The following DPP10 variants were observed in gnomAD, a reference collection of about 807,000 sequenced individuals.
DPP10 encodes the protein dipeptidyl peptidase like 10, also known as inactive dipeptidyl peptidase 10.
Under a neutral mutation model 120.9 loss-of-function variants are expected in DPP10, and 33 were observed. The observed-to-expected ratio is 0.27, with a 90% CI of 0.21 to 0.37. DPP10 has a LOEUF of 0.37. DPP10 is among the 10% of genes least tolerant of loss of function. The probability of loss-of-function intolerance (pLI) is 1.00; values close to 1 mark genes in which losing one functional copy is unlikely to be tolerated. For missense variants in DPP10, 816 were observed against 942.8 expected (o/e 0.87, Z 1.76); for synonymous variants, 337 against 326.1 (o/e 1.03, Z -0.36).
chr2:115,614,578 A>G (rs1304550912), intron 5 of DPP10, among the ~76,000 whole-genome samples: 1 of 152,104 alleles, frequency 6.6e-6, no homozygotes, highest in African/African-American at 2.4e-5. Context: ...GGCATACGCC[A>G]CCACACCAGC....
chr2:115,283,099 G>T (rs1241441470), intron 1 of DPP10, among the ~76,000 whole-genome samples: 1 of 151,670 alleles, frequency 6.6e-6, no homozygotes, highest in African/African-American at 2.4e-5. Flanking sequence ...CCTGTTACTA[G>T]CTCACTCTTT....
chr2:115,087,043 G>A (rs1183527191), intron 1 of DPP10, among the ~76,000 whole-genome samples: 1 of 152,160 alleles, frequency 6.6e-6, no homozygotes, highest in African/African-American at 2.4e-5. Context: ...GTATTAGCTG[G>A]TTGCAAAACA....
chr2:114,740,796 C>G (rs1166896121), intron 1 of DPP10, among the ~76,000 whole-genome samples: 1 of 152,168 alleles, frequency 6.6e-6, no homozygotes, highest in African/African-American at 2.4e-5. Context: ...AGGTTGCTTT[C>G]CAAAAGTTTG....
chr2:114,578,057 G>A (rs926246314), intron 1 of DPP10, among the ~76,000 whole-genome samples: 6 of 152,066 alleles, frequency 3.9e-5, no homozygotes, highest in East Asian at 1.9e-4. Context: ...ACCTATAATC[G>A]CAACCTATAA....
intron 1 of DPP10, among the ~76,000 whole-genome samples, chr2:115,128,931 G>A (rs1041499180): frequency 1.3e-5 from 2 of 152,138 alleles, no homozygotes; most frequent in African/African-American, 4.8e-5. Context: ...AGATAAGGAG[G>A]GGAGTAACAA....
At chr2:115,670,697 A>C (rs2149439928) in intron 5 of DPP10, among the ~76,000 whole-genome samples, 1 of 152,282 alleles carries the variant, frequency 6.6e-6, no homozygotes, top group Admixed American at 6.5e-5. Flanking sequence ...TTCTCAAATA[A>C]GGACTATGTA....
intron 1 of DPP10, among the ~76,000 whole-genome samples, chr2:114,826,120 A>G (rs929122137): frequency 2.0e-5 from 3 of 152,208 alleles, no homozygotes; most frequent in African/African-American, 7.2e-5. Context: ...ATGGAAAAAT[A>G]CCTGGTTTGT....
Position 115,384,318 on chromosome 2 carries a change from G to A in DPP10, c.271+40406G>A, listed in dbSNP as rs2066683675. ...GAGACTAGGAGTTCAAGGCTGCAGT[G>A]AGCTATGATCACATGACTGCACTCC... On this transcript the variant is annotated intron_variant, in intron 3 of 25. Coordinates refer to ENST00000410059, the MANE Select transcript of DPP10 (RefSeq NM_020868.6). Among the ~76,000 whole-genome samples the A allele has an allele frequency of 7.2e-5, 11 of 152,094 alleles. 1 individual carries two copies. The South Asian group carries it at 2.3e-3, about 32-fold the overall frequency.
intron 1 of DPP10, among the ~76,000 whole-genome samples, chr2:115,243,218 A>G (rs538094776): frequency 6.6e-6 from 1 of 152,116 alleles, no homozygotes; most frequent in Non-Finnish European, 1.5e-5. Context: ...GGCGTTGACA[A>G]CTATTTTTGT....
intron 1 of DPP10, among the ~76,000 whole-genome samples, chr2:114,498,244 A>G (rs1310638212): frequency 6.6e-6 from 1 of 152,102 alleles, no homozygotes; most frequent in Non-Finnish European, 1.5e-5. Flanking sequence ...CTAATGGGCA[A>G]TAGATCTCAA....
At chr2:114,787,994 GA>G (rs1682903797) in intron 1 of DPP10, among the ~76,000 whole-genome samples, 1 of 152,014 alleles carries the variant, frequency 6.6e-6, no homozygotes, top group East Asian at 1.9e-4. Flanking sequence ...ACAATAACTG[GA>G]AATGACTTTT....
chr2:115,079,846 T>C (rs1708120816), intron 1 of DPP10, among the ~76,000 whole-genome samples: 1 of 152,184 alleles, frequency 6.6e-6, no homozygotes, highest in African/African-American at 2.4e-5. Flanking sequence ...CGTTATCAGA[T>C]TGATTTTCCA....
intron 1 of DPP10, among the ~76,000 whole-genome samples, chr2:114,667,999 A>G (rs1486977083): frequency 6.6e-6 from 1 of 152,178 alleles, no homozygotes; most frequent in East Asian, 1.9e-4. Flanking sequence ...GGCTTAAGAG[A>G]AAGAAAACAT....
intron 1 of DPP10, among the ~76,000 whole-genome samples, chr2:115,213,028 G>A (rs1479145022): frequency 6.6e-6 from 1 of 152,006 alleles, no homozygotes; most frequent in East Asian, 1.9e-4. Context: ...TTTTCATCAC[G>A]CTGTTATTCT....
At chr2:115,320,350 C>G (rs1420037131) in intron 2 of DPP10, among the ~76,000 whole-genome samples, 1 of 152,054 alleles carries the variant, frequency 6.6e-6, no homozygotes, top group Non-Finnish European at 1.5e-5. Flanking sequence ...CATTTAATTT[C>G]TTAAAATGAA....
At chr2:115,010,307 G>A (rs887321335) in intron 1 of DPP10, among the ~76,000 whole-genome samples, 1 of 152,124 alleles carries the variant, frequency 6.6e-6, no homozygotes, top group Non-Finnish European at 1.5e-5. Flanking sequence ...TATTGTTTGC[G>A]ACTAAGCACC....
intron 1 of DPP10, among the ~76,000 whole-genome samples, chr2:114,993,578 GTGTATATATATATATATA>G (rs1700881808): frequency 1.1e-5 from 1 of 89,198 alleles, no homozygotes; most frequent in African/African-American, 3.8e-5. Flanking sequence ...GTGTGTGTGT[GTGTATATATATATATATA>G]TATATATATA....
Position 115,071,290 on chromosome 2 carries a change from C to T in DPP10, c.61-237949C>T, listed in dbSNP as rs10178497. Reference sequence around the variant, plus strand: ...TTTCTTTGCTCTACATCCTCCTCCACGTCCCATGCAGTGTATGGTGTTAAC... The same window carrying T: ...TTTCTTTGCTCTACATCCTCCTCCATGTCCCATGCAGTGTATGGTGTTAAC... On this transcript the variant is annotated intron_variant, in intron 1 of 25. Transcript: ENST00000410059. Among the ~76,000 whole-genome samples the T allele has an allele frequency of 1.1e-3, 167 of 152,246 alleles. 1 individual carries two copies. The highest frequency in any genetic ancestry group is 3.3e-3 in the African/African-American group (136 of 41,530).
chr2:114,890,209 A>G (rs1021351780), intron 1 of DPP10, among the ~76,000 whole-genome samples: 4 of 152,234 alleles, frequency 2.6e-5, no homozygotes, highest in Non-Finnish European at 5.9e-5. Flanking sequence ...ATACCTTAGC[A>G]CAGAGTAAAA....
Sources: allele counts gnomAD v4.1 joint callset (sites outside exome capture counted in the v4.1 genomes callset), GRCh38; gene constraint gnomAD v4.1.1; transcripts MANE v1.5; gene names NCBI Gene and HGNC (gene_info 2026-07-23, HGNC 2026-07-21).